The following KDM4D variants were observed in gnomAD, a reference collection of about 807,000 sequenced individuals.
KDM4D encodes the protein lysine demethylase 4D, also known as lysine-specific demethylase 4D.
For missense variants in KDM4D, 427 were observed against 674.8 expected (o/e 0.63, Z 4.07); for synonymous variants, 254 against 249.1 (o/e 1.02, Z -0.19).
chr11:94,994,691 G>A (rs1432304900), intron 2 of KDM4D, among the ~76,000 whole-genome samples: 1 of 151,710 alleles, frequency 6.6e-6, no homozygotes, highest in Non-Finnish European at 1.5e-5. Flanking sequence ...CTGTGAATCA[G>A]TGAAGTGTAA....
Position 94,998,858 on chromosome 11 carries a change from G to A in KDM4D, c.1486G>A (p.Ala496Thr). 1 of 1,559,850 alleles carries A rather than the reference G, an allele frequency of 6.4e-7. No homozygotes were observed. Among genetic ancestry groups the A allele is most frequent in the Non-Finnish European group, 8.7e-7 (1 of 1,151,890 alleles). ...PEPEPLPEDGALMDKPVPLSP... is the reference protein window; with the variant it reads ...PEPEPLPEDGTLMDKPVPLSP... ...ACCTGAGCCCCTACCTGAGGATGGG[G>A]CTTTGATGGACAAGCCTGTACCACT... is the stretch of plus-strand genomic sequence containing the variant. The change falls in exon 3 of 3, where the codon GCT (alanine) becomes ACT (threonine). Residue 496 changes from alanine (A) to threonine (T), a missense_variant. By Grantham distance (58) the Ala-to-Thr change is moderately conservative. Transcript: ENST00000335080. This position sits in a 1 kb window ranked among gnomAD's most constrained non-coding sequence, Gnocchi z 6.7.
intron 2 of KDM4D, among the ~76,000 whole-genome samples, chr11:94,989,221 T>C (rs1857913219): frequency 6.6e-6 from 1 of 152,210 alleles, no homozygotes; most frequent in African/African-American, 2.4e-5. Context: ...AAAAGGTTAT[T>C]GAGTAGTTTA....
At chr11:94,990,860 A>G (rs929762888) in intron 2 of KDM4D, among the ~76,000 whole-genome samples, 3 of 152,216 alleles carry the variant, frequency 2.0e-5, no homozygotes, top group African/African-American at 7.2e-5. Flanking sequence ...AATCTGTCTA[A>G]CAAAACAGAG....
chr11:94,993,592 ATG>A (rs1202199375), intron 2 of KDM4D, among the ~76,000 whole-genome samples: 1 of 150,828 alleles, frequency 6.6e-6, no homozygotes, highest in Non-Finnish European at 1.5e-5. Flanking sequence ...TGAAGACTAT[ATG>A]TATAAGGAGA....
intron 2 of KDM4D, among the ~76,000 whole-genome samples, chr11:94,992,639 A>G (rs1433788781): frequency 2.6e-5 from 4 of 152,136 alleles, no homozygotes; most frequent in Non-Finnish European, 5.9e-5. Context: ...TTTAAATTCT[A>G]TAATGTAATT....
At chr11:94,985,223 T>G (rs1281021556) in intron 2 of KDM4D, among the ~76,000 whole-genome samples, 1 of 152,178 alleles carries the variant, frequency 6.6e-6, no homozygotes, top group African/African-American at 2.4e-5. Context: ...GGTAGCTTGC[T>G]AAAAACCACT....
At chr11:94,981,459 A>C (rs1195585771) in intron 2 of KDM4D, among the ~76,000 whole-genome samples, 1 of 152,016 alleles carries the variant, frequency 6.6e-6, no homozygotes, top group Non-Finnish European at 1.5e-5. Flanking sequence ...TTCTTGGTGT[A>C]GCCATCTGGG....
intron 2 of KDM4D, among the ~76,000 whole-genome samples, chr11:94,980,279 T>C (rs1555097429): frequency 6.6e-6 from 1 of 152,160 alleles, no homozygotes; most frequent in African/African-American, 2.4e-5. Context: ...TAGCTGCACA[T>C]GAAATTCATT....
At chr11:94,988,092 A>G (rs145687323) in intron 2 of KDM4D, among the ~76,000 whole-genome samples, 19 of 152,362 alleles carry the variant, frequency 1.2e-4, no homozygotes, top group Admixed American at 7.2e-4. Flanking sequence ...ATGATTGACA[A>G]AGAAGACTTA....
chr11:94,974,985 T>C (rs139372747), intron 1 of KDM4D, among the ~76,000 whole-genome samples: 35 of 152,370 alleles, frequency 2.3e-4, no homozygotes, highest in African/African-American at 7.9e-4. Flanking sequence ...CATTTCTTAA[T>C]GTGACCTGAG....
intron 2 of KDM4D, among the ~76,000 whole-genome samples, chr11:94,979,045 T>C (rs1857821980): frequency 6.6e-6 from 1 of 152,230 alleles, no homozygotes; most frequent in South Asian, 2.1e-4. Context: ...GTTATATGTG[T>C]GTACATATAT....
chr11:94,993,475 A>C (rs1857952501), intron 2 of KDM4D, among the ~76,000 whole-genome samples: 1 of 151,616 alleles, frequency 6.6e-6, no homozygotes, highest in Non-Finnish European at 1.5e-5. Context: ...AGAACACTGA[A>C]GGATCTCTCC....
intron 2 of KDM4D, among the ~76,000 whole-genome samples, chr11:94,985,217 G>C (rs587755296): frequency 2.0e-5 from 3 of 152,250 alleles, no homozygotes; most frequent in Admixed American, 2.0e-4. Flanking sequence ...GTCCTAGGTA[G>C]CTTGCTAAAA....
At chr11:94,996,352 C>A (rs1413961770) in intron 2 of KDM4D, among the ~76,000 whole-genome samples, 1 of 152,160 alleles carries the variant, frequency 6.6e-6, no homozygotes, top group Non-Finnish European at 1.5e-5. Context: ...CCTCAAGCCC[C>A]CCTACACAAC....
chr11:94,977,847 T>C (rs1270539964), intron 2 of KDM4D, among the ~76,000 whole-genome samples: 14 of 152,104 alleles, frequency 9.2e-5, no homozygotes, highest in Admixed American at 7.9e-4. Flanking sequence ...CACCAATAGC[T>C]ACCCAATAAA....
At chr11:94,980,445 T>G (rs587752270) in intron 2 of KDM4D, among the ~76,000 whole-genome samples, 1 of 152,294 alleles carries the variant, frequency 6.6e-6, no homozygotes, top group South Asian at 2.1e-4. Flanking sequence ...AAAAATACTT[T>G]TGGAATTTTA....
chr11:94,995,656 C>G (rs74355278), intron 2 of KDM4D, among the ~76,000 whole-genome samples: 1,806 of 152,256 alleles, frequency 0.012, 31 homozygotes, highest in African/African-American at 0.042. Flanking sequence ...AAAACTGCCC[C>G]TAGTTTAAAA....
chr11:94,988,530 T>A (rs1857907589), intron 2 of KDM4D, among the ~76,000 whole-genome samples: 1 of 152,114 alleles, frequency 6.6e-6, no homozygotes, highest in African/African-American at 2.4e-5. Context: ...AGGAAGTAGA[T>A]TTCATGAAGG....
Position 94,975,670 on chromosome 11 carries a change from A to G in KDM4D, c.-428A>G, listed in dbSNP as rs1364426473. The G allele has an allele frequency of 6.6e-6, 1 of 152,116 alleles. No homozygotes were observed. The highest frequency in any genetic ancestry group is 2.4e-5 in the African/African-American group (1 of 41,428). 9.4% of individuals were successfully genotyped at this position (152,116 alleles called of 1,614,324 possible). A position where few individuals can be genotyped will look rare whatever the true frequency, so the allele number is the denominator to read the frequency against. The stretch of plus-strand genomic sequence containing the variant: ...CTATATTAGAACATAAGTTCCAGGA[A>G]AGCAGGAACCTTGTCTCTCTTGTTC... On this transcript the variant is annotated 5_prime_UTR_variant, in exon 2 of 3. Transcript: ENST00000335080.
Sources: gnomAD v4.1 joint callset for allele counts (sites outside exome capture counted in the v4.1 genomes callset) on GRCh38, gnomAD v4.1.1 for gene constraint, Gnocchi (gnomAD v3.1) non-coding constraint, MANE v1.5 for transcripts, NCBI Gene and HGNC (gene_info 2026-07-23, HGNC 2026-07-21) for gene names.